SGCD: variants seen among roughly 807,000 people sequenced by gnomAD.
The protein encoded by SGCD is sarcoglycan delta.
A neutral mutation model predicts 36.6 loss-of-function variants in SGCD; 18 were observed. The ratio of observed to expected loss-of-function variants is 0.49; its 90% CI spans 0.34 to 0.73. The LOEUF is 0.73. Ranked by LOEUF, SGCD falls within the 30% of genes least tolerant of loss-of-function variation. The probability of loss-of-function intolerance (pLI) is 0.01; values close to 1 mark genes in which losing one functional copy is unlikely to be tolerated. For missense variants in SGCD, 387 were observed against 346.7 expected (o/e 1.12, Z -0.92); for synonymous variants, 133 against 130.6 (o/e 1.02, Z -0.12).
intron 3 of SGCD, among the ~76,000 whole-genome samples, chr5:156,134,319 A>C (rs1762400974): frequency 6.6e-6 from 1 of 152,078 alleles, no homozygotes; most frequent in Non-Finnish European, 1.5e-5. Context: ...TGCTTTGAAA[A>C]CTATCCCGCT....
chr5:156,532,332 G>A (rs1363423081), intron 4 of SGCD, among the ~76,000 whole-genome samples: 1 of 152,134 alleles, frequency 6.6e-6, no homozygotes, highest in African/African-American at 2.4e-5. Context: ...AAAGTACTTT[G>A]CAGAGGGCCC....
At chr5:156,171,249 G>A (rs1235520221) in intron 3 of SGCD, among the ~76,000 whole-genome samples, 9 of 152,182 alleles carry the variant, frequency 5.9e-5, no homozygotes, top group Non-Finnish European at 1.0e-4. Context: ...AGAACTAATA[G>A]CATTTTAATT....
intron 1 of SGCD, among the ~76,000 whole-genome samples, chr5:156,092,311 G>T (rs1761264109): frequency 6.6e-6 from 1 of 152,160 alleles, no homozygotes; most frequent in Non-Finnish European, 1.5e-5. Context: ...GCTGAGAAAG[G>T]TTACTTTTTG....
intron 3 of SGCD, among the ~76,000 whole-genome samples, chr5:156,402,716 G>C (rs77689332): frequency 6.6e-6 from 1 of 152,062 alleles, no homozygotes; most frequent in Non-Finnish European, 1.5e-5. Context: ...ATAATCAAAG[G>C]GTCAGTCTGA....
At chr5:155,884,721 G>T (rs940580424) in intron 1 of SGCD, among the ~76,000 whole-genome samples, 3 of 152,296 alleles carry the variant, frequency 2.0e-5, no homozygotes, top group Non-Finnish European at 2.9e-5. Context: ...TCTTCCACTT[G>T]TTGGTTACGT....
chr5:156,049,487 C>T (rs1255201548), intron 1 of SGCD, among the ~76,000 whole-genome samples: 1 of 145,748 alleles, frequency 6.9e-6, no homozygotes, highest in Non-Finnish European at 1.5e-5. Flanking sequence ...TGTTTGTATC[C>T]TCTTTTATTT....
the SGCD span, among the ~76,000 whole-genome samples, chr5:155,792,981 A>G: frequency 2.0e-5 from 3 of 152,236 alleles, no homozygotes. Context: ...TGTTCACAAT[A>G]GCAAAGTCAT....
intron 3 of SGCD, among the ~76,000 whole-genome samples, chr5:156,141,323 C>T (rs942092034): frequency 2.6e-5 from 4 of 152,140 alleles, no homozygotes; most frequent in Non-Finnish European, 4.4e-5. Flanking sequence ...CTAGTAGAGC[C>T]ATGGGAGCAA....
At chr5:156,700,756 C>T (rs1435283272) in intron 7 of SGCD, among the ~76,000 whole-genome samples, 1 of 152,018 alleles carries the variant, frequency 6.6e-6, no homozygotes, top group Non-Finnish European at 1.5e-5. Flanking sequence ...CCAGCTTGAA[C>T]AACCTAGGGA....
chr5:156,474,277 G>A (rs1469241811), intron 3 of SGCD, among the ~76,000 whole-genome samples: 1 of 152,138 alleles, frequency 6.6e-6, no homozygotes, highest in Non-Finnish European at 1.5e-5. Context: ...AGTCTTTTTG[G>A]AATTTAATGA....
At chr5:156,613,081 T>C (rs1761891137) in intron 6 of SGCD, among the ~76,000 whole-genome samples, 1 of 152,218 alleles carries the variant, frequency 6.6e-6, no homozygotes, top group Admixed American at 6.5e-5. Context: ...TGCTCCTCTC[T>C]CTGTGGTGCT....
At chr5:155,956,900 G>A (rs528277838) in intron 1 of SGCD, among the ~76,000 whole-genome samples, 18 of 151,460 alleles carry the variant, frequency 1.2e-4, no homozygotes, top group Middle Eastern at 6.8e-3. Context: ...TATAGGTACC[G>A]AGGGTTGGAA....
intron 3 of SGCD, among the ~76,000 whole-genome samples, chr5:156,140,448 T>C (rs908997615): frequency 2.0e-5 from 3 of 152,112 alleles, no homozygotes; most frequent in African/African-American, 7.2e-5. Flanking sequence ...TCGTAGATGG[T>C]CGTGAGGAAT....
chr5:156,648,367 A>G (rs1763313788), intron 7 of SGCD, among the ~76,000 whole-genome samples: 1 of 151,954 alleles, frequency 6.6e-6, no homozygotes, highest in African/African-American at 2.4e-5. Flanking sequence ...CCATAGGCAC[A>G]TGTACTTGCA....
intron 1 of SGCD, among the ~76,000 whole-genome samples, chr5:156,027,012 T>A (rs748886458): frequency 7.2e-5 from 11 of 152,196 alleles, no homozygotes; most frequent in Non-Finnish European, 1.3e-4. Flanking sequence ...TAGGTGATAG[T>A]TTGCAGACTG....
In SGCD at chr5:156,391,017, G is replaced by C. The variant is rs1024465569; in HGVS notation, c.192+46340G>C. On this transcript the variant is annotated intron_variant, in intron 3 of 8. Transcript: ENST00000337851. Reference sequence around the variant, plus strand: ...TACAGTAGTGTTCAGCAATATCCTAGGCTCTCACATTCACTCACCACTCAC... The same window carrying C: ...TACAGTAGTGTTCAGCAATATCCTACGCTCTCACATTCACTCACCACTCAC... 2.6e-5 allele frequency among the ~76,000 whole-genome samples: 4 copies of C among 152,208 alleles called. No individual in the cohort carries two copies. The East Asian group carries it at 7.7e-4, about 29-fold the overall frequency.
At chr5:156,429,718 G>A (rs1258980026) in intron 3 of SGCD, among the ~76,000 whole-genome samples, 1 of 151,810 alleles carries the variant, frequency 6.6e-6, no homozygotes, top group South Asian at 2.1e-4. Flanking sequence ...ATCTGGTAGT[G>A]GCAAATTCTC....
chr5:156,719,590 A>G (rs1435830403), intron 7 of SGCD, among the ~76,000 whole-genome samples: 1 of 152,158 alleles, frequency 6.6e-6, no homozygotes, highest in Non-Finnish European at 1.5e-5. Flanking sequence ...GACATACAGT[A>G]CTGCAGAGTA....
chr5:156,472,520 C>T (rs527395843), intron 3 of SGCD, among the ~76,000 whole-genome samples: 18 of 152,226 alleles, frequency 1.2e-4, no homozygotes, highest in African/African-American at 3.1e-4. Context: ...TACGTTCAAG[C>T]GATTCTTGTG....
Sources: gnomAD v4.1 joint callset for allele counts (sites outside exome capture counted in the v4.1 genomes callset) on GRCh38, gnomAD v4.1.1 for gene constraint, MANE v1.5 for transcripts, NCBI Gene and HGNC (gene_info 2026-07-23, HGNC 2026-07-21) for gene names.